KCNMB2: variants seen among roughly 807,000 people sequenced by gnomAD.
The protein encoded by KCNMB2 is potassium calcium-activated channel subfamily M regulatory beta subunit 2.
A neutral mutation model predicts 24.5 loss-of-function variants in KCNMB2; 9 were observed. That is an observed-to-expected ratio of 0.37 (90% CI 0.22 to 0.64). The LOEUF is 0.64. KCNMB2 is among the 30% of genes least tolerant of loss of function. KCNMB2 has a pLI of 0.63. For missense variants in KCNMB2, 226 were observed against 284.3 expected, an observed-to-expected ratio of 0.79 and a Z score of 1.47; for synonymous variants, 109 against 104.4, an observed-to-expected ratio of 1.04 and a Z score of -0.27.
chr3:178,813,293 A>G lies in KCNMB2; in HGVS notation c.56+5828A>G, dbSNP rs576627143. On this transcript the variant is annotated intron_variant, in intron 2 of 4. Transcript: ENST00000452583. The stretch of plus-strand genomic sequence containing the variant: ...CCGGAATATAATTCCTTATTTATTC[A>G]TGAATTATATCATGAATTATCATGA... 2.3e-3 allele frequency among the ~76,000 whole-genome samples: 351 copies of G among 152,130 alleles called. 2 individuals are homozygous for G. The highest frequency in any genetic ancestry group is 8.0e-3 in the African/African-American group (334 of 41,540).
intron 1 of KCNMB2, among the ~76,000 whole-genome samples, chr3:178,560,219 C>A (rs1472031478): frequency 2.6e-5 from 4 of 151,752 alleles, no homozygotes; most frequent in African/African-American, 7.2e-5. Context: ...TAGTTTGTAC[C>A]ATTTGGCTCA....
chr3:178,779,609 T>C (rs1289908878), intron 1 of KCNMB2, among the ~76,000 whole-genome samples: 2 of 152,218 alleles, frequency 1.3e-5, no homozygotes, highest in Non-Finnish European at 2.9e-5. Context: ...AGTGTAGAGT[T>C]TCTCAGTATC....
intron 1 of KCNMB2, among the ~76,000 whole-genome samples, chr3:178,755,514 C>T (rs574346464): frequency 1.3e-5 from 2 of 152,200 alleles, no homozygotes; most frequent in East Asian, 3.9e-4. Flanking sequence ...TCTGTGGGAC[C>T]ATAGCCACCC....
At chr3:178,646,601 G>A (rs1264560388) in intron 1 of KCNMB2, among the ~76,000 whole-genome samples, 2 of 152,202 alleles carry the variant, frequency 1.3e-5, no homozygotes, top group East Asian at 1.9e-4. Context: ...GCTATTGTAA[G>A]CGAGGCTGAA....
intron 1 of KCNMB2, among the ~76,000 whole-genome samples, chr3:178,797,507 C>T (rs1319411299): frequency 2.6e-5 from 4 of 152,100 alleles, no homozygotes; most frequent in East Asian, 3.9e-4. Flanking sequence ...CTCAACAACA[C>T]ATTAAAAAGA....
intron 1 of KCNMB2, among the ~76,000 whole-genome samples, chr3:178,767,550 G>A (rs978894018): frequency 7.9e-5 from 12 of 152,154 alleles, no homozygotes; most frequent in South Asian, 4.1e-4. Context: ...TGTGGTTAGC[G>A]TTAGCAAGAT....
chr3:178,606,228 C>A (rs560096368), intron 1 of KCNMB2, among the ~76,000 whole-genome samples: 51 of 152,116 alleles, frequency 3.4e-4, no homozygotes, highest in Non-Finnish European at 6.8e-4. Flanking sequence ...ACCCCAAAAG[C>A]AATTCAAATA....
chr3:178,643,832 TC>T (rs1719812971), intron 1 of KCNMB2, among the ~76,000 whole-genome samples: 1 of 152,214 alleles, frequency 6.6e-6, no homozygotes, highest in South Asian at 2.1e-4. Flanking sequence ...TGATACCACT[TC>T]CCAGTTCTCA....
chr3:178,791,679 C>A (rs1713330159), intron 1 of KCNMB2, among the ~76,000 whole-genome samples: 1 of 151,982 alleles, frequency 6.6e-6, no homozygotes, highest in Admixed American at 6.5e-5. Flanking sequence ...TACCTCAAAG[C>A]ATTTAACAAT....
chr3:178,702,960 T>C (rs912105335), intron 1 of KCNMB2, among the ~76,000 whole-genome samples: 2 of 152,180 alleles, frequency 1.3e-5, no homozygotes, highest in African/African-American at 4.8e-5. Context: ...TAGGGATGTA[T>C]TTTCAGGCCA....
At chr3:178,758,200 A>G (rs1724260803) in intron 1 of KCNMB2, among the ~76,000 whole-genome samples, 1 of 86,906 alleles carries the variant, frequency 1.2e-5, no homozygotes. Context: ...ATATATATAT[A>G]TATATATCCA....
At chr3:178,668,391 G>T (rs764756458) in intron 1 of KCNMB2, among the ~76,000 whole-genome samples, 1 of 152,108 alleles carries the variant, frequency 6.6e-6, no homozygotes, top group Non-Finnish European at 1.5e-5. Flanking sequence ...AATTTGGGTG[G>T]AGTGTAAGAG....
In KCNMB2 at chr3:178,756,862, C is replaced by T. The variant is rs1309076820; in HGVS notation, c.-67-50481C>T. On this transcript the variant is annotated intron_variant, in intron 1 of 4. Transcript: ENST00000452583. ...CTGAATGAAGCTTATCTAACACATG[C>T]ATTTTTTCCATAATGCACATCACAG... is the stretch of plus-strand genomic sequence containing the variant. Among the ~76,000 whole-genome samples the T allele has an allele frequency of 7.9e-5, 12 of 152,124 alleles. No individual in the cohort carries two copies. In the East Asian group the frequency reaches 2.3e-3, roughly 29 times the overall value.
chr3:178,758,767 GGATATATATATATATAT>G (rs1711507623), intron 1 of KCNMB2, among the ~76,000 whole-genome samples: 6 of 124 alleles, frequency 0.048, no homozygotes, highest in African/African-American at 0.1. Flanking sequence ...TCTCCAAGAG[GGATATATATATATATAT>G]ATATATATAT....
chr3:178,635,921 A>G (rs1459626064), intron 1 of KCNMB2, among the ~76,000 whole-genome samples: 1 of 152,242 alleles, frequency 6.6e-6, no homozygotes, highest in Admixed American at 6.5e-5. Context: ...ATGGTTATTA[A>G]CCAAAAGCCA....
chr3:178,666,193 A>G (rs1313004534), intron 1 of KCNMB2, among the ~76,000 whole-genome samples: 1 of 152,036 alleles, frequency 6.6e-6, no homozygotes, highest in Non-Finnish European at 1.5e-5. Context: ...GTTCACTGAG[A>G]ACAAGTAAGA....
intron 4 of KCNMB2, among the ~76,000 whole-genome samples, chr3:178,840,968 A>G (rs1419192950): frequency 6.6e-6 from 1 of 152,168 alleles, no homozygotes; most frequent in Non-Finnish European, 1.5e-5. Context: ...CAGGCTGCAC[A>G]TTTTCCAAAT....
chr3:178,759,261 A>G (rs1426870078), intron 1 of KCNMB2, among the ~76,000 whole-genome samples: 3 of 123,548 alleles, frequency 2.4e-5, no homozygotes, highest in Non-Finnish European at 5.1e-5. Context: ...CTCTCCAAGA[A>G]GAGACAGATA....
chr3:178,537,887 G>A (rs1259428285), intron 1 of KCNMB2, among the ~76,000 whole-genome samples: 3 of 152,262 alleles, frequency 2.0e-5, no homozygotes. Flanking sequence ...ATAACGAATG[G>A]CAGATATGTG....
Sources: gnomAD v4.1 joint callset for allele counts (sites outside exome capture counted in the v4.1 genomes callset) on GRCh38, gnomAD v4.1.1 for gene constraint, MANE v1.5 for transcripts, NCBI Gene and HGNC (gene_info 2026-07-23, HGNC 2026-07-21) for gene names.